PGBD5: variants seen among roughly 807,000 people sequenced by gnomAD.
The protein encoded by PGBD5 is piggyBac transposable element derived 5, also known as piggyBac transposable element-derived protein 5.
A neutral mutation model predicts 47.9 loss-of-function variants in PGBD5; 14 were observed. That is an observed-to-expected ratio of 0.29 (90% CI 0.19 to 0.46). PGBD5 has a LOEUF of 0.46. Among genes scored for constraint, PGBD5 ranks in the 20% least tolerant of loss-of-function variants. PGBD5 has a pLI of 1.00. For missense variants in PGBD5, 635 were observed against 716.0 expected (o/e 0.89, Z 1.29); for synonymous variants, 316 against 306.3 (o/e 1.03, Z -0.33).
chr1:230,409,335 T>G (rs1657366803), intron 1 of PGBD5, among the ~76,000 whole-genome samples: 1 of 152,208 alleles, frequency 6.6e-6, no homozygotes, highest in African/African-American at 2.4e-5. Flanking sequence ...AGTTATCAGA[T>G]GACCCAGCAA....
At chr1:230,347,477 T>C (rs1667491979) in intron 3 of PGBD5, among the ~76,000 whole-genome samples, 1 of 48,070 alleles carries the variant, frequency 2.1e-5, no homozygotes, top group Non-Finnish European at 5.6e-5. Flanking sequence ...TTTTCTTTTC[T>C]TTTTTTTTTT....
intron 3 of PGBD5, among the ~76,000 whole-genome samples, chr1:230,340,725 G>A (rs752231493): frequency 6.6e-6 from 1 of 152,020 alleles, no homozygotes; most frequent in Non-Finnish European, 1.5e-5. Flanking sequence ...TGGAGATGAC[G>A]ATGACTCTGA....
intron 1 of PGBD5, among the ~76,000 whole-genome samples, chr1:230,383,609 G>T (rs891051589): frequency 6.6e-6 from 1 of 152,024 alleles, no homozygotes. Flanking sequence ...TGGCTCAAGC[G>T]ATCCTCCCAC....
chr1:230,350,079 T>C (rs936516712), intron 3 of PGBD5, among the ~76,000 whole-genome samples: 11 of 152,278 alleles, frequency 7.2e-5, no homozygotes, highest in Middle Eastern at 3.4e-3. Flanking sequence ...CAGGGAAAGA[T>C]GGAAGTGCAA....
Position 230,323,300 on chromosome 1 carries a change from TGTGC to T in PGBD5, c.*121_*124del. 6.3e-6 allele frequency: 7 copies of T among 1,107,874 alleles called. No individual in the cohort carries two copies. The South Asian group carries it at 9.4e-5, about 15-fold the overall frequency. The allele number at this position is 1,107,874 out of a possible 1,614,324, so 68.6% of individuals were successfully genotyped here. The stretch of plus-strand genomic sequence containing the variant: ...GTCCATCCTGTCCCTCCAGAGGCCC[TGTGC>T]ATCCCTCCCAGGCAGCAAGCCACAC... On this transcript the variant is annotated 3_prime_UTR_variant, in exon 7 of 7. Transcript: ENST00000391860. This position sits in a 1 kb window ranked among gnomAD's most constrained non-coding sequence, Gnocchi z 4.1.
At position 230,356,892 on chromosome 1, in the gene PGBD5, A is replaced by G; in HGVS notation, c.759+2T>C. On this transcript the variant is annotated splice_donor_variant, in intron 2 of 6. Coordinates refer to ENST00000391860, the MANE Select transcript of PGBD5 (RefSeq NM_001258311.2). LOFTEE classifies it high-confidence loss of function. ...AGCTCTTACGTCCTGCGTGGGCCTC[A>G]CCTGGGTTTGGGAAGGCCTGAAGGC... The G allele has an allele frequency of 6.2e-7, 1 of 1,611,950 alleles. No individual in the cohort carries two copies. Among genetic ancestry groups the G allele is most frequent in the Non-Finnish European group, 8.5e-7 (1 of 1,178,368 alleles).
At chr1:230,387,091 G>C (rs1480277432) in intron 1 of PGBD5, among the ~76,000 whole-genome samples, 6 of 152,184 alleles carry the variant, frequency 3.9e-5, no homozygotes, top group Non-Finnish European at 4.4e-5. Flanking sequence ...GATTGTTTTA[G>C]AGCCTGGAGC....
chr1:230,386,664 A>G lies in PGBD5; in HGVS notation c.332-29343T>C, dbSNP rs541212867. Among the ~76,000 whole-genome samples, 18 of 152,282 alleles carry G rather than the reference A, an allele frequency of 1.2e-4. No individual in the cohort carries two copies. In the South Asian group the frequency reaches 3.3e-3, roughly 28 times the overall value. On this transcript the variant is annotated intron_variant, in intron 1 of 6. Coordinates refer to ENST00000391860, the MANE Select transcript of PGBD5 (RefSeq NM_001258311.2). ...TGGTTAATCATAAATTCATTTACTT[A>G]TTGGCCTTTTGTTTGGATTAAACAA...
chr1:230,418,098 A>C (rs1204925763), intron 1 of PGBD5, among the ~76,000 whole-genome samples: 1 of 152,164 alleles, frequency 6.6e-6, no homozygotes, highest in Admixed American at 6.5e-5. Flanking sequence ...ACAGCCCCCC[A>C]CCAGCAAAGA....
At chr1:230,412,735 G>A (rs1346550043) in intron 1 of PGBD5, among the ~76,000 whole-genome samples, 1 of 152,144 alleles carries the variant, frequency 6.6e-6, no homozygotes, top group African/African-American at 2.4e-5. Flanking sequence ...AGGCTGAGGA[G>A]GAGGAGGAGG....
intron 1 of PGBD5, among the ~76,000 whole-genome samples, chr1:230,379,104 C>G (rs1668056074): frequency 6.6e-6 from 1 of 152,196 alleles, no homozygotes; most frequent in Non-Finnish European, 1.5e-5. Flanking sequence ...ATTCTTACTT[C>G]CAGTCCAGCC....
intron 1 of PGBD5, among the ~76,000 whole-genome samples, chr1:230,374,010 G>T (rs828459): frequency 0.72 from 109,282 of 152,040 alleles, 39,681 homozygotes; most frequent in African/African-American, 0.75. Context: ...AGCAAAACAG[G>T]GCAGTAAATG....
At chr1:230,334,404 G>T (rs1048554779) in intron 4 of PGBD5, among the ~76,000 whole-genome samples, 2 of 152,246 alleles carry the variant, frequency 1.3e-5, no homozygotes, top group African/African-American at 4.8e-5. Flanking sequence ...CAGCCAAAGA[G>T]AAGCTGCATG....
intron 3 of PGBD5, among the ~76,000 whole-genome samples, chr1:230,340,604 C>A (rs1191026707): frequency 6.6e-6 from 1 of 152,008 alleles, no homozygotes; most frequent in Non-Finnish European, 1.5e-5. Flanking sequence ...AAACAACCCA[C>A]TAAAAATAAT....
At chr1:230,343,152 T>C (rs1038991144) in intron 3 of PGBD5, among the ~76,000 whole-genome samples, 1 of 152,076 alleles carries the variant, frequency 6.6e-6, no homozygotes, top group African/African-American at 2.4e-5. Flanking sequence ...AGAGCTCATG[T>C]GCTGAGTCTG....
In PGBD5 at chr1:230,324,745, G is replaced by A. The variant is rs377456169; in HGVS notation, c.1379+565C>T. Among the ~76,000 whole-genome samples the A allele has an allele frequency of 5.3e-5, 8 of 152,246 alleles. No homozygotes were observed. In the South Asian group the frequency reaches 8.3e-4, roughly 16 times the overall value. On this transcript the variant is annotated intron_variant, in intron 6 of 6. Coordinates refer to ENST00000391860, the MANE Select transcript of PGBD5 (RefSeq NM_001258311.2). The stretch of plus-strand genomic sequence containing the variant: ...GCACGAGGTCAGGGGTGGCATCGTG[G>A]GTGTCTGGACGTCCGCACATTGTGG...
intron 3 of PGBD5, among the ~76,000 whole-genome samples, chr1:230,348,000 C>T (rs1358124972): frequency 2.0e-5 from 3 of 152,232 alleles, no homozygotes; most frequent in Non-Finnish European, 4.4e-5. Flanking sequence ...CCACAGCTGC[C>T]TACATCCTAC....
At chr1:230,329,128 G>A (rs931425766) in intron 5 of PGBD5, among the ~76,000 whole-genome samples, 12 of 151,278 alleles carry the variant, frequency 7.9e-5, no homozygotes, top group African/African-American at 2.9e-4. Flanking sequence ...TTTTTGGGGG[G>A]GGAGGTGGTA....
chr1:230,354,405 T>C (rs1279317729), intron 2 of PGBD5, among the ~76,000 whole-genome samples: 1 of 152,162 alleles, frequency 6.6e-6, no homozygotes, highest in Non-Finnish European at 1.5e-5. Flanking sequence ...CCAGCTTCTC[T>C]GCCCCTAGTT....
Sources: allele counts gnomAD v4.1 joint callset (sites outside exome capture counted in the v4.1 genomes callset), GRCh38; gene constraint gnomAD v4.1.1; non-coding constraint Gnocchi (gnomAD v3.1); transcripts MANE v1.5; gene names NCBI Gene and HGNC (gene_info 2026-07-23, HGNC 2026-07-21).